The following RANBP17 variants were observed in gnomAD, a reference collection of about 807,000 sequenced individuals.
RANBP17 encodes ran-binding protein 17.
Under a neutral mutation model 141.2 loss-of-function variants are expected in RANBP17, and 158 were observed. The ratio of observed to expected loss-of-function variants is 1.12; its 90% CI spans 0.98 to 1.28. The LOEUF (loss-of-function observed/expected upper bound fraction) is 1.28, where lower values mean the gene tolerates loss of function less well. RANBP17 is among the 50% of genes most tolerant of loss of function. The pLI is 0.00. For missense variants in RANBP17, 1,438 were observed against 1,290.7 expected (o/e 1.11, Z -1.75); for synonymous variants, 430 against 450.0 (o/e 0.96, Z 0.56).
intron 1 of RANBP17, chr5:170,863,658 C>T (rs1385057530): frequency 1.3e-5 from 2 of 152,022 alleles, no homozygotes; most frequent in East Asian, 1.9e-4. Flanking sequence ...TCACAGAGCC[C>T]GAGTAAATCT....
intron 14 of RANBP17, among the ~76,000 whole-genome samples, chr5:171,040,121 C>A (rs1278553993): frequency 1.3e-5 from 2 of 152,072 alleles, no homozygotes; most frequent in East Asian, 3.9e-4. Context: ...AAAATCCCCC[C>A]AAAAATACTA....
intron 13 of RANBP17, among the ~76,000 whole-genome samples, chr5:170,965,760 C>G (rs1230462054): frequency 2.0e-5 from 3 of 152,096 alleles, no homozygotes; most frequent in African/African-American, 7.2e-5. Context: ...TGGTCTGTAT[C>G]TCTGTTTTGG....
intron 25 of RANBP17, among the ~76,000 whole-genome samples, chr5:171,276,559 G>A (rs1561822407): frequency 6.6e-6 from 1 of 152,004 alleles, no homozygotes; most frequent in Non-Finnish European, 1.5e-5. Context: ...TATTCTCAGG[G>A]GCTCCAAATG....
At chr5:171,057,783 G>A (rs529047855) in intron 14 of RANBP17, among the ~76,000 whole-genome samples, 3 of 152,002 alleles carry the variant, frequency 2.0e-5, no homozygotes, top group Non-Finnish European at 4.4e-5. Flanking sequence ...GTGCAAGCAG[G>A]GGTAATGCCA....
intron 14 of RANBP17, among the ~76,000 whole-genome samples, chr5:171,145,449 A>G (rs1757973951): frequency 6.6e-6 from 1 of 152,156 alleles, no homozygotes; most frequent in Non-Finnish European, 1.5e-5. Context: ...TTTAGTATAA[A>G]TTCTTAGAAA....
intron 16 of RANBP17, among the ~76,000 whole-genome samples, chr5:171,181,315 T>C (rs1310429535): frequency 6.6e-6 from 1 of 152,072 alleles, no homozygotes; most frequent in Non-Finnish European, 1.5e-5. Flanking sequence ...CCGGGCGTGG[T>C]GGCCCATGAT....
At chr5:171,046,312 G>A (rs1240087338) in intron 14 of RANBP17, among the ~76,000 whole-genome samples, 10 of 150,626 alleles carry the variant, frequency 6.6e-5, no homozygotes, top group South Asian at 2.1e-4. Context: ...GGGTTCAAGC[G>A]ATTCTCCTGC....
At chr5:171,004,557 CAG>C (rs576140189) in intron 14 of RANBP17, among the ~76,000 whole-genome samples, 5 of 152,212 alleles carry the variant, frequency 3.3e-5, no homozygotes, top group Non-Finnish European at 7.4e-5. Context: ...ATCGATTAAA[CAG>C]GGGACGGACT....
At chr5:171,283,860 TTA>T (rs1340203563) in intron 25 of RANBP17, among the ~76,000 whole-genome samples, 1 of 152,222 alleles carries the variant, frequency 6.6e-6, no homozygotes, top group Non-Finnish European at 1.5e-5. Flanking sequence ...ATCTCTGTTT[TTA>T]TGTCTGACTC....
In RANBP17 at chr5:171,089,220, G is replaced by T. The variant is rs1343092426; in HGVS notation, c.1711-80910G>T. Among the ~76,000 whole-genome samples, 3 of 118,418 alleles carry T rather than the reference G, an allele frequency of 2.5e-5. 1 individual carries two copies. The highest frequency in any genetic ancestry group is 7.7e-4 in the South Asian group (2 of 2,596). The allele number at this position is 118,418 out of a possible 152,430, so 77.7% of individuals were successfully genotyped here. A position where few individuals can be genotyped will look rare whatever the true frequency, so the allele number is the denominator to read the frequency against. On this transcript the variant is annotated intron_variant, in intron 14 of 27. Coordinates refer to ENST00000523189, the MANE Select transcript of RANBP17 (RefSeq NM_022897.5). ...CAGGTCTGTTGGAATACCCTGCAGT[G>T]TGAGGTGTCAGTGTGCCCCTGCTGG...
chr5:171,027,645 CATA>C (rs1781308403), intron 14 of RANBP17, among the ~76,000 whole-genome samples: 1 of 151,776 alleles, frequency 6.6e-6, no homozygotes, highest in Admixed American at 6.6e-5. Context: ...CATAACAATT[CATA>C]ATAATTGTCT....
intron 14 of RANBP17, among the ~76,000 whole-genome samples, chr5:171,013,837 C>T (rs1780242966): frequency 6.6e-6 from 1 of 152,076 alleles, no homozygotes; most frequent in Non-Finnish European, 1.5e-5. Flanking sequence ...ACTGAAGTTA[C>T]AGATCAATTT....
At chr5:171,161,692 T>C (rs1349694283) in intron 14 of RANBP17, among the ~76,000 whole-genome samples, 1 of 152,250 alleles carries the variant, frequency 6.6e-6, no homozygotes, top group Non-Finnish European at 1.5e-5. Flanking sequence ...AAAGCCTATA[T>C]TTAATGTGGT....
intron 1 of RANBP17, among the ~76,000 whole-genome samples, chr5:170,862,741 C>CT (rs141601654): frequency 0.014 from 2,146 of 152,270 alleles, 41 homozygotes; most frequent in African/African-American, 0.05. Flanking sequence ...TCGGGCTGCT[C>CT]TGACATCCCC....
chr5:170,953,053 T>A (rs1002109774), intron 12 of RANBP17, among the ~76,000 whole-genome samples: 2 of 152,108 alleles, frequency 1.3e-5, no homozygotes, highest in Non-Finnish European at 2.9e-5. Context: ...TTGGATTTTT[T>A]AATACATCAT....
intron 14 of RANBP17, among the ~76,000 whole-genome samples, chr5:170,982,269 TGACCCTACAGTG>T (rs1156361515): frequency 9.6e-5 from 14 of 146,052 alleles, no homozygotes; most frequent in African/African-American, 3.3e-4. Context: ...AGCCTGCTTA[TGACCCTACAGTG>T]AGGTTTACTG....
intron 13 of RANBP17, among the ~76,000 whole-genome samples, chr5:170,965,631 C>T (rs1204162018): frequency 6.6e-6 from 1 of 152,100 alleles, no homozygotes; most frequent in Non-Finnish European, 1.5e-5. Flanking sequence ...AGCCAGTTTT[C>T]CCAGCACCAT....
At chr5:171,176,019 C>T (rs1435478601) in intron 16 of RANBP17, among the ~76,000 whole-genome samples, 5 of 152,080 alleles carry the variant, frequency 3.3e-5, no homozygotes, top group African/African-American at 1.2e-4. Flanking sequence ...GTCCACTATG[C>T]AAGTATACAG....
chr5:170,873,182 A>G (rs950643453), intron 1 of RANBP17, among the ~76,000 whole-genome samples: 10 of 152,214 alleles, frequency 6.6e-5, no homozygotes, highest in African/African-American at 2.4e-4. Context: ...AAGGGCTGGG[A>G]TTACAGGCGT....
Sources: gnomAD v4.1 joint callset for allele counts (sites outside exome capture counted in the v4.1 genomes callset) on GRCh38, gnomAD v4.1.1 for gene constraint, MANE v1.5 for transcripts, NCBI Gene and HGNC (gene_info 2026-07-23, HGNC 2026-07-21) for gene names.